The following EXTL3 variants were observed in gnomAD, a reference collection of about 807,000 sequenced individuals.
EXTL3 encodes exostosin like glycosyltransferase 3, also known as exostosin-like 3.
EXTL3 carries 27 observed loss-of-function variants against 69.3 expected under a neutral mutation model. That is an observed-to-expected ratio of 0.39 (90% confidence interval 0.29 to 0.54). EXTL3 has a LOEUF of 0.54. EXTL3 is among the 20% of genes least tolerant of loss of function. The probability of loss-of-function intolerance (pLI) is 0.69; values close to 1 mark genes in which losing one functional copy is unlikely to be tolerated. For missense variants in EXTL3, 1,003 were observed against 1,231.8 expected, an observed-to-expected ratio of 0.81 and a Z score of 2.78; for synonymous variants, 511 against 499.4, an observed-to-expected ratio of 1.02 and a Z score of -0.31.
chr8:28,720,701 A>G (rs1324331330), intron 3 of EXTL3, among the ~76,000 whole-genome samples: 1 of 152,140 alleles, frequency 6.6e-6, no homozygotes, highest in Non-Finnish European at 1.5e-5. Flanking sequence ...TTGCAGAGAG[A>G]TGGGAGAAGT....
chr8:28,683,942 C>A lies in EXTL3; in HGVS notation c.-52-29515C>A, dbSNP rs1444124535. On this transcript the variant is annotated intron_variant, in intron 1 of 6. Transcript: ENST00000523149. ...TTTCCCCCACCGCTGCCCTTTCTAGCCTCAGGTAACCATTGTTGTTCTACT... is the reference window on the plus strand; with the variant it reads ...TTTCCCCCACCGCTGCCCTTTCTAGACTCAGGTAACCATTGTTGTTCTACT... Among the ~76,000 whole-genome samples the A allele has an allele frequency of 3.9e-5, 6 of 152,210 alleles. No individual in the cohort carries two copies. In the East Asian group the frequency reaches 1.2e-3, roughly 29 times the overall value.
chr8:28,698,685 C>CA (rs936105746), upstream of EXTL3, among the ~76,000 whole-genome samples: 10 of 151,806 alleles, frequency 6.6e-5, no homozygotes, highest in African/African-American at 1.9e-4. Flanking sequence ...CCCGTCTCTA[C>CA]AAAAAAACAA....
chr8:28,638,856 C>G (rs902795308), intron 1 of EXTL3, among the ~76,000 whole-genome samples: 1 of 152,106 alleles, frequency 6.6e-6, no homozygotes, highest in Admixed American at 6.6e-5. Context: ...GTCTTGAACT[C>G]CTGACGTCAG....
At chr8:28,648,571 AAG>A (rs1417789916) in intron 1 of EXTL3, among the ~76,000 whole-genome samples, 1 of 152,084 alleles carries the variant, frequency 6.6e-6, no homozygotes, top group East Asian at 1.9e-4. Context: ...CTTAAATAAT[AAG>A]AGAAAAAGTC....
At chr8:28,620,119 C>T (rs1038241835), upstream of EXTL3, among the ~76,000 whole-genome samples, 1 of 151,846 alleles carries the variant, frequency 6.6e-6, no homozygotes, top group East Asian at 1.9e-4. Flanking sequence ...GTGATCTGCC[C>T]GCCTCGGCCT....
At chr8:28,609,956 C>A (rs1806250492) in intron 2 of EXTL3, among the ~76,000 whole-genome samples, 1 of 150,458 alleles carries the variant, frequency 6.6e-6, no homozygotes, top group African/African-American at 2.4e-5. Context: ...TCAATCCTAC[C>A]ACTTTGGGAG....
At chr8:28,640,763 C>T (rs56308800) in intron 1 of EXTL3, among the ~76,000 whole-genome samples, 3,656 of 152,102 alleles carry the variant, frequency 0.024, 115 homozygotes, top group African/African-American at 0.072. Flanking sequence ...CCACTACACC[C>T]GGCTAATTTT....
chr8:28,705,433 T>C (rs915353078), intron 1 of EXTL3, among the ~76,000 whole-genome samples: 1 of 152,000 alleles, frequency 6.6e-6, no homozygotes, highest in African/African-American at 2.4e-5. Flanking sequence ...TAAGCTGATT[T>C]AAGGCTGGGC....
chr8:28,710,917 G>A (rs980162231), intron 1 of EXTL3, among the ~76,000 whole-genome samples: 2 of 152,116 alleles, frequency 1.3e-5, no homozygotes, highest in East Asian at 3.8e-4. Flanking sequence ...ACTGGGAAGT[G>A]TTCCTTCCTC....
intron 1 of EXTL3, among the ~76,000 whole-genome samples, chr8:28,662,378 G>A (rs1392436303): frequency 6.6e-6 from 1 of 152,070 alleles, no homozygotes; most frequent in Non-Finnish European, 1.5e-5. Context: ...TTGAACAAGC[G>A]TTTAATCATT....
intron 6 of EXTL3, among the ~76,000 whole-genome samples, chr8:28,747,889 C>T (rs1801923168): frequency 6.6e-6 from 1 of 152,010 alleles, no homozygotes. Flanking sequence ...TCGCCATGCC[C>T]AGCTAATTTT....
intron 1 of EXTL3, among the ~76,000 whole-genome samples, chr8:28,679,036 G>T (rs1156932293): frequency 6.6e-6 from 1 of 152,206 alleles, no homozygotes; most frequent in Admixed American, 6.5e-5. Context: ...GGACTTTCCA[G>T]TCTTGCCTGC....
chr8:28,735,043 C>T (rs1464156457), intron 4 of EXTL3, among the ~76,000 whole-genome samples: 1 of 152,110 alleles, frequency 6.6e-6, no homozygotes, highest in African/African-American at 2.4e-5. Flanking sequence ...TATTATTGAA[C>T]CAAGTCTATT....
At chr8:28,683,968 C>G (rs1807536070) in intron 1 of EXTL3, among the ~76,000 whole-genome samples, 1 of 152,150 alleles carries the variant, frequency 6.6e-6, no homozygotes, top group South Asian at 2.1e-4. Context: ...TTGTTCTACT[C>G]TCTACTCCAT....
At chr8:28,737,317 GTGCTTAT>G (rs576898091) in intron 4 of EXTL3, among the ~76,000 whole-genome samples, 195 bp from the exon 5 acceptor site, 154 of 152,286 alleles carry the variant, frequency 1.0e-3, no homozygotes, top group African/African-American at 3.5e-3. Context: ...CAATGTGCAG[GTGCTTAT>G]TAAGGAAGCT....
At chr8:28,710,585 GA>G (rs1801012193) in intron 1 of EXTL3, 11 of 376,074 alleles carry the variant, frequency 2.9e-5, no homozygotes, top group South Asian at 1.7e-4. Flanking sequence ...ATTCATGAGA[GA>G]TTTTTTTTTT....
intron 3 of EXTL3, among the ~76,000 whole-genome samples, chr8:28,729,236 A>C (rs933574641): frequency 1.5e-4 from 22 of 142,108 alleles, no homozygotes; most frequent in African/African-American, 5.8e-4. Flanking sequence ...TGGAAGTTGT[A>C]GTGAGCCGAG....
rs139032799 is a variant in EXTL3, at chr8:28,753,341, T to A, written c.*2475T>A. On this transcript the variant is annotated 3_prime_UTR_variant, in exon 7 of 7. Coordinates refer to ENST00000220562, the MANE Select transcript of EXTL3 (RefSeq NM_001440.4). ...GGCCACCTTGTCCTGGCTCGCAGGG[T>A]GCAGGAGCGCCTCGTTCTCTGGGTG... 1,270 of 152,488 alleles carry A rather than the reference T, an allele frequency of 8.3e-3. 10 individuals carry two copies. Among genetic ancestry groups the A allele is most frequent in the Non-Finnish European group, 0.011 (743 of 68,232 alleles). 9.4% of individuals were successfully genotyped at this position (152,488 alleles called of 1,614,324 possible).
At chr8:28,670,493 C>T (rs995936014) in intron 1 of EXTL3, among the ~76,000 whole-genome samples, 22 of 152,078 alleles carry the variant, frequency 1.4e-4, no homozygotes, top group African/African-American at 4.8e-4. Context: ...AATTCTAGTT[C>T]GAAAACCAGC....
Sources: gnomAD v4.1 joint callset for allele counts (sites outside exome capture counted in the v4.1 genomes callset) on GRCh38, gnomAD v4.1.1 for gene constraint, MANE v1.5 for transcripts, NCBI Gene and HGNC (gene_info 2026-07-23, HGNC 2026-07-21) for gene names.